MPPED2: variants seen among roughly 807,000 people sequenced by gnomAD.
The protein encoded by MPPED2 is metallophosphoesterase domain containing 2, also known as metallophosphoesterase MPPED2.
A neutral mutation model predicts 33.0 loss-of-function variants in MPPED2; 5 were observed. That is an observed-to-expected ratio of 0.15 (90% CI 0.08 to 0.32). The LOEUF is 0.32. MPPED2 is among the 10% of genes least tolerant of loss of function. The probability of loss-of-function intolerance (pLI) is 1.00; values close to 1 mark genes in which losing one functional copy is unlikely to be tolerated. For missense variants in MPPED2, 275 were observed against 372.1 expected (o/e 0.74, Z 2.15); for synonymous variants, 136 against 141.9 (o/e 0.96, Z 0.29).
chr11:30,433,415 T>C (rs997393394), intron 4 of MPPED2, among the ~76,000 whole-genome samples: 2 of 152,210 alleles, frequency 1.3e-5, no homozygotes, highest in African/African-American at 4.8e-5. Flanking sequence ...ATGTAGCATG[T>C]ACTATATGAA....
intron 4 of MPPED2, among the ~76,000 whole-genome samples, chr11:30,419,167 T>G (rs1948504234): frequency 6.6e-6 from 1 of 152,188 alleles, no homozygotes; most frequent in South Asian, 2.1e-4. Context: ...AAGCCCTTTA[T>G]TTGTATTAAC....
At chr11:30,438,535 G>A (rs73465861) in intron 4 of MPPED2, among the ~76,000 whole-genome samples, 1 of 152,334 alleles carries the variant, frequency 6.6e-6, no homozygotes, top group African/African-American at 2.4e-5. Flanking sequence ...GGGAATCTAT[G>A]TGCCATGTGC....
chr11:30,496,684 CTT>C (rs1322542352), intron 3 of MPPED2, among the ~76,000 whole-genome samples: 3 of 91,168 alleles, frequency 3.3e-5, no homozygotes, highest in Non-Finnish European at 5.7e-5. Flanking sequence ...ATTAAGGAAA[CTT>C]AGTGGGGAAG....
At chr11:30,397,676 T>A (rs1947855261) in intron 6 of MPPED2, among the ~76,000 whole-genome samples, 1 of 152,110 alleles carries the variant, frequency 6.6e-6, no homozygotes, top group Non-Finnish European at 1.5e-5. Flanking sequence ...CTTTCAACAA[T>A]CCTGTAAGAT....
Position 30,498,347 on chromosome 11 carries a change from G to T in MPPED2, c.311-2826C>A, listed in dbSNP as rs140630304. 1.2e-3 allele frequency among the ~76,000 whole-genome samples: 178 copies of T among 152,218 alleles called. 1 individual carries two copies. Among genetic ancestry groups the T allele is most frequent in the African/African-American group, 3.9e-3 (163 of 41,530 alleles). On this transcript the variant is annotated intron_variant, in intron 3 of 6. Coordinates refer to ENST00000358117, the MANE Select transcript of MPPED2 (RefSeq NM_001584.3). Reference sequence around the variant, plus strand: ...CACCCGGAATCCCAGCACTTTGGGAGGTCAAGACAGGCAGATCACCTGAGG... The same window carrying T: ...CACCCGGAATCCCAGCACTTTGGGATGTCAAGACAGGCAGATCACCTGAGG...
rs1006331144 is a variant in MPPED2, at chr11:30,543,728, T to C, written c.129-7553A>G. ...AACAAAGAAGCCAGAATTCCAGTTA[T>C]AACAAAAAAACAAAAATGACAGAAT... On this transcript the variant is annotated intron_variant, in intron 2 of 6. Transcript: ENST00000358117. Among the ~76,000 whole-genome samples, 7 of 148,648 alleles carry C rather than the reference T, an allele frequency of 4.7e-5. No individual in the cohort carries two copies. The South Asian group carries it at 1.3e-3, about 27-fold the overall frequency.
At chr11:30,459,111 G>C (rs1950415921) in intron 4 of MPPED2, among the ~76,000 whole-genome samples, 1 of 151,218 alleles carries the variant, frequency 6.6e-6, no homozygotes, top group Admixed American at 6.6e-5. Flanking sequence ...ATTTTTAGTA[G>C]AGACGGGGTT....
rs984755316 is a variant in MPPED2 at position 30,386,705 on chromosome 11, C to A, written c.*2184G>T. On this transcript the variant is annotated 3_prime_UTR_variant, in exon 7 of 7. Transcript: ENST00000448418. ...TCAAATCAGATGAACTTCAGTAACT[C>A]TTGTCGCTGCTTGTCCTGCCCTTGA... The A allele has an allele frequency of 1.0e-5, 4 of 398,410 alleles. No individual in the cohort carries two copies. In the East Asian group the frequency reaches 1.4e-4, roughly 14 times the overall value. 24.7% of individuals were successfully genotyped at this position (398,410 alleles called of 1,614,324 possible). A position where few individuals can be genotyped will look rare whatever the true frequency, so the allele number is the denominator to read the frequency against.
chr11:30,479,717 C>T (rs1250855444), intron 4 of MPPED2, among the ~76,000 whole-genome samples: 1 of 151,788 alleles, frequency 6.6e-6, no homozygotes, highest in Admixed American at 6.6e-5. Flanking sequence ...TGTATTTTTC[C>T]TAAGTCAAAG....
At chr11:30,501,400 A>G (rs1952554936) in intron 3 of MPPED2, among the ~76,000 whole-genome samples, 2 of 152,362 alleles carry the variant, frequency 1.3e-5, no homozygotes, top group Non-Finnish European at 2.9e-5. Flanking sequence ...TGGATCTAAA[A>G]GTGAAGGTCA....
At chr11:30,465,619 T>C (rs1395241738) in intron 4 of MPPED2, among the ~76,000 whole-genome samples, 1 of 152,160 alleles carries the variant, frequency 6.6e-6, no homozygotes, top group African/African-American at 2.4e-5. Context: ...TTTGTTTAAA[T>C]AAAATACTGC....
rs143683466 is a variant in MPPED2, at chr11:30,456,949, C to T, written c.536+38347G>A. On this transcript the variant is annotated intron_variant, in intron 4 of 6. Transcript: ENST00000358117. ...ATACTTCACAATAGGAACTAATTCA[C>T]ACCTGGAAAAAAGTGATCCGTATTC... Among the ~76,000 whole-genome samples the T allele has an allele frequency of 9.2e-5, 14 of 152,298 alleles. No individual in the cohort carries two copies. In the East Asian group the frequency reaches 2.1e-3, roughly 23 times the overall value.
chr11:30,507,254 G>A (rs1952880102), intron 3 of MPPED2, among the ~76,000 whole-genome samples: 1 of 152,156 alleles, frequency 6.6e-6, no homozygotes, highest in African/African-American at 2.4e-5. Context: ...CCCTCTGAAG[G>A]GAATTTCGGG....
At chr11:30,563,801 G>T (rs1398371924) in intron 2 of MPPED2, among the ~76,000 whole-genome samples, 1 of 152,212 alleles carries the variant, frequency 6.6e-6, no homozygotes, top group Non-Finnish European at 1.5e-5. Context: ...TTCAAGATCA[G>T]CCAGCATCAA....
At chr11:30,427,414 G>A (rs951800245) in intron 4 of MPPED2, among the ~76,000 whole-genome samples, 2 of 152,204 alleles carry the variant, frequency 1.3e-5, no homozygotes, top group Non-Finnish European at 2.9e-5. Context: ...GGGATATACA[G>A]TTGGGGAGCA....
In MPPED2 at chr11:30,410,445, G is replaced by T; in HGVS notation, c.*1023C>A. ...ACACACAGTGCAAAATGGGAGAGGGGAGAGGAAGTAAGAAGACAACTTGGG... is the reference window on the plus strand; with the variant it reads ...ACACACAGTGCAAAATGGGAGAGGGTAGAGGAAGTAAGAAGACAACTTGGG... On this transcript the variant is annotated 3_prime_UTR_variant, in exon 7 of 7. Transcript: ENST00000358117. 2.1e-6 allele frequency: 2 copies of T among 970,748 alleles called. No individual in the cohort carries two copies. Among genetic ancestry groups the T allele is most frequent in the Non-Finnish European group, 2.4e-6 (2 of 820,148 alleles). 60.1% of individuals were successfully genotyped at this position (970,748 alleles called of 1,614,324 possible). A position where few individuals can be genotyped will look rare whatever the true frequency, so the allele number is the denominator to read the frequency against.
At chr11:30,577,042 ATGGGGAC>A (rs1956961561) in intron 2 of MPPED2, among the ~76,000 whole-genome samples, 1 of 152,176 alleles carries the variant, frequency 6.6e-6, no homozygotes, top group Admixed American at 6.5e-5. Context: ...CTTCATGAAG[ATGGGGAC>A]TGGGTCTTAT....
At chr11:30,545,082 G>C (rs1026242712) in intron 2 of MPPED2, among the ~76,000 whole-genome samples, 22 of 152,300 alleles carry the variant, frequency 1.4e-4, no homozygotes, top group African/African-American at 5.1e-4. Flanking sequence ...AGGCCAGCGG[G>C]ATTAGGGTCT....
intron 2 of MPPED2, among the ~76,000 whole-genome samples, chr11:30,578,233 G>A (rs1398353982): frequency 6.6e-6 from 1 of 152,168 alleles, no homozygotes; most frequent in African/African-American, 2.4e-5. Context: ...ATGGCACCAA[G>A]ATGGAAGGTG....
Sources: gnomAD v4.1 joint callset for allele counts (sites outside exome capture counted in the v4.1 genomes callset) on GRCh38, gnomAD v4.1.1 for gene constraint, MANE v1.5 for transcripts, NCBI Gene and HGNC (gene_info 2026-07-23, HGNC 2026-07-21) for gene names.